Variants in PPARG observed in about 807,000 individuals in gnomAD.
PPARG encodes peroxisome proliferator activated receptor gamma.
Under a neutral mutation model 39.2 loss-of-function variants are expected in PPARG, and 17 were observed. The ratio of observed to expected loss-of-function variants is 0.43; its 90% CI spans 0.30 to 0.65. The LOEUF (loss-of-function observed/expected upper bound fraction) is 0.65. Ranked by LOEUF, PPARG falls within the 30% of genes least tolerant of loss-of-function variation. The pLI is 0.13. For synonymous variants in PPARG, 223 were observed against 215.7 expected, an observed-to-expected ratio of 1.03 and a Z score of -0.30; for missense variants, 406 against 585.9, an observed-to-expected ratio of 0.69 and a Z score of 3.17.
chr3:12,430,083 C>T (rs1032803222), intron 7 of PPARG, among the ~76,000 whole-genome samples: 3 of 152,212 alleles, frequency 2.0e-5, no homozygotes, highest in African/African-American at 4.8e-5. Flanking sequence ...ATTTAGAGTT[C>T]TGAAAATCCC....
At chr3:12,313,813 CAT>C (rs1222101242) in intron 2 of PPARG, among the ~76,000 whole-genome samples, 109 of 152,222 alleles carry the variant, frequency 7.2e-4, no homozygotes, top group Admixed American at 5.0e-3. Flanking sequence ...AATGTATACA[CAT>C]GAGTCCAAAT....
intron 2 of PPARG, chr3:12,328,012 G>A (rs2047741677): frequency 9.9e-7 from 1 of 1,013,462 alleles, no homozygotes; most frequent in South Asian, 1.3e-5. Context: ...TATAGTGATT[G>A]AACAGCTAAA....
intron 1 of PPARG, among the ~76,000 whole-genome samples, chr3:12,300,267 T>C (rs976274162): frequency 2.0e-5 from 3 of 152,208 alleles, no homozygotes; most frequent in African/African-American, 7.2e-5. Flanking sequence ...TGCCCACCTA[T>C]GAACATGACC....
chr3:12,321,494 C>T (rs1010920841), intron 2 of PPARG, among the ~76,000 whole-genome samples: 6 of 152,154 alleles, frequency 3.9e-5, no homozygotes, highest in Non-Finnish European at 7.3e-5. Context: ...ACCTACTGAT[C>T]GCTGCTACTA....
intron 2 of PPARG, among the ~76,000 whole-genome samples, chr3:12,368,571 C>G (rs894984288): frequency 6.6e-6 from 1 of 152,156 alleles, no homozygotes; most frequent in Non-Finnish European, 1.5e-5. Context: ...GCCCCAATAC[C>G]TATTTAACAT....
At chr3:12,391,647 G>A (rs1056475455) in intron 4 of PPARG, among the ~76,000 whole-genome samples, 8 of 152,178 alleles carry the variant, frequency 5.3e-5, no homozygotes, top group Admixed American at 3.3e-4. Flanking sequence ...GGCTGGCTTA[G>A]AGATGGCTAT....
chr3:12,342,902 T>C (rs1279765401), intron 2 of PPARG, among the ~76,000 whole-genome samples: 2 of 152,140 alleles, frequency 1.3e-5, no homozygotes, highest in South Asian at 2.1e-4. Flanking sequence ...AAAGAAGATA[T>C]AAAGACTAGA....
chr3:12,428,321 C>T lies in PPARG; in HGVS notation c.1181-5577C>T, dbSNP rs552315766. Among the ~76,000 whole-genome samples, 3 of 152,360 alleles carry T rather than the reference C, an allele frequency of 2.0e-5. No individual in the cohort carries two copies. The South Asian group carries it at 6.2e-4, about 32-fold the overall frequency. ...GAAAGGTTTCTTTCCCAATTCTTCA[C>T]AGCCTGGGGAGTAGGGAACTAGTAA... On this transcript the variant is annotated intron_variant, in intron 7 of 7. Transcript: ENST00000651735.
chr3:12,432,748 T>C (rs1401662501), intron 7 of PPARG, among the ~76,000 whole-genome samples: 1 of 152,210 alleles, frequency 6.6e-6, no homozygotes, highest in African/African-American at 2.4e-5. Flanking sequence ...AAATCCATGA[T>C]TAAAAGCTAT....
chr3:12,408,330 C>G (rs546871279), intron 6 of PPARG, among the ~76,000 whole-genome samples: 4 of 152,172 alleles, frequency 2.6e-5, no homozygotes, highest in Non-Finnish European at 5.9e-5. Context: ...TTGACTAGGA[C>G]TGCTGGCTTT....
rs1339567785 is a variant in PPARG at position 12,310,645 on chromosome 3, A to G, written c.-82-1735A>G. Among the ~76,000 whole-genome samples the G allele has an allele frequency of 1.0e-4, 13 of 127,268 alleles. 2 individuals are homozygous for G. The highest frequency in any genetic ancestry group is 2.0e-4 in the African/African-American group (7 of 34,822). The allele number at this position is 127,268 out of a possible 152,430, so 83.5% of individuals were successfully genotyped here. ...CGCCCGGCTAATTTTTTGTATTTTT[A>G]GTAGAGACGGGGTTTCACCATTTTA... On this transcript the variant is annotated intron_variant, in intron 1 of 7. Coordinates refer to ENST00000651735, the MANE Select transcript of PPARG (RefSeq NM_138711.6).
At chr3:12,387,381 GT>G (rs2049916245) in intron 4 of PPARG, among the ~76,000 whole-genome samples, 2 of 152,050 alleles carry the variant, frequency 1.3e-5, no homozygotes, top group Admixed American at 6.6e-5. Flanking sequence ...TCCAGCGTCT[GT>G]TTTTTTCCTG....
intron 2 of PPARG, among the ~76,000 whole-genome samples, chr3:12,334,914 C>T (rs1489578319): frequency 6.6e-6 from 1 of 152,048 alleles, no homozygotes; most frequent in African/African-American, 2.4e-5. Flanking sequence ...TGTTTATTCC[C>T]ATACTTAACT....
chr3:12,343,043 G>A (rs12490265), intron 2 of PPARG, among the ~76,000 whole-genome samples: 37,248 of 152,024 alleles, frequency 0.25, 5,328 homozygotes, highest in Middle Eastern at 0.32. Flanking sequence ...TCCTACACAC[G>A]TACAGTATTA....
chr3:12,363,241 C>T (rs2048910852), intron 2 of PPARG, among the ~76,000 whole-genome samples: 1 of 152,056 alleles, frequency 6.6e-6, no homozygotes, highest in Non-Finnish European at 1.5e-5. Flanking sequence ...TTATAGTGCT[C>T]AGGAGAAAGA....
intron 6 of PPARG, among the ~76,000 whole-genome samples, chr3:12,415,996 G>C (rs1396617863): frequency 6.6e-6 from 1 of 152,232 alleles, no homozygotes; most frequent in Non-Finnish European, 1.5e-5. Context: ...TTTCAACGCT[G>C]AGTTGCTGAA....
intron 2 of PPARG, among the ~76,000 whole-genome samples, chr3:12,336,301 A>C (rs979856379): frequency 6.6e-6 from 1 of 152,138 alleles, no homozygotes; most frequent in Non-Finnish European, 1.5e-5. Flanking sequence ...TGTGGGGAGG[A>C]GGATAACCAG....
Position 12,381,308 on chromosome 3 carries a change from G to A in PPARG, c.221-14G>A. The A allele has an allele frequency of 6.2e-7, 1 of 1,611,978 alleles. No homozygotes were observed. Among genetic ancestry groups the A allele is most frequent in the Non-Finnish European group, 8.5e-7 (1 of 1,178,984 alleles). On this transcript the variant is annotated splice_polypyrimidine_tract_variant and intron_variant, in intron 3 of 7. Coordinates refer to ENST00000651735, the MANE Select transcript of PPARG (RefSeq NM_138711.6). ...TCATGGGATAATTATCCTCTCACAT[G>A]TCTCCATACACAGGTGCAATCAAAG... is the stretch of plus-strand genomic sequence containing the variant.
At chr3:12,310,463 T>TAATAGTTGCCTTAAA in intron 1 of PPARG, among the ~76,000 whole-genome samples, 13 of 100,456 alleles carry the variant, frequency 1.3e-4, no homozygotes, top group South Asian at 3.6e-4. Flanking sequence ...GAGCCCTTTT[T>TAATAGTTGCCTTAAA]TTTTTTTTTT....
Sources: allele counts gnomAD v4.1 joint callset (sites outside exome capture counted in the v4.1 genomes callset), GRCh38; gene constraint gnomAD v4.1.1; transcripts MANE v1.5; gene names NCBI Gene and HGNC (gene_info 2026-07-23, HGNC 2026-07-21).